Variants in ABCG2 observed in about 807,000 individuals in gnomAD.
ABCG2 encodes broad substrate specificity ATP-binding cassette transporter ABCG2.
In ABCG2, 80 loss-of-function variants were observed where a neutral mutation model predicts 73.5. That is an observed-to-expected ratio of 1.09 (90% CI 0.91 to 1.31). The LOEUF is 1.31. Ranked by LOEUF, ABCG2 falls within the 50% of genes most tolerant of loss-of-function variation. The pLI, the probability that ABCG2 is intolerant of heterozygous loss-of-function variation, is 0.00. For synonymous variants in ABCG2, 269 were observed against 282.4 expected (o/e 0.95, Z 0.48); for missense variants, 796 against 786.2 (o/e 1.01, Z -0.15).
At position 88,132,561 on chromosome 4, in the gene ABCG2, C is replaced by A. The variant is rs760530920; in HGVS notation, c.263+15G>T. The stretch of plus-strand genomic sequence containing the variant: ...AGTGCACAGAAAACGCTTACTTATA[C>A]TCTCTTATACTCACGAAGATTTGCC... On this transcript the variant is annotated intron_variant, in intron 3 of 15. Transcript: ENST00000237612. 2.5e-6 allele frequency: 4 copies of A among 1,613,522 alleles called. No homozygotes were observed. The South Asian group carries it at 4.4e-5, about 18-fold the overall frequency.
chr4:88,183,519 G>T (rs1728339359), intron 1 of ABCG2, among the ~76,000 whole-genome samples: 1 of 152,008 alleles, frequency 6.6e-6, no homozygotes, highest in African/African-American at 2.4e-5. Flanking sequence ...GAACCATAAT[G>T]AAATCCAAAA....
intron 1 of ABCG2, chr4:88,223,657 T>G (rs1053058251): frequency 2.6e-5 from 4 of 152,482 alleles, no homozygotes; most frequent in African/African-American, 9.7e-5. Context: ...GAGAATGGAC[T>G]AATACAAGCA....
chr4:88,094,672 T>C lies in ABCG2; in HGVS notation c.1738-13A>G. 6.2e-7 allele frequency: 1 copy of C among 1,605,368 alleles called. No homozygotes were observed. Among genetic ancestry groups the C allele is most frequent in the East Asian group, 2.2e-5 (1 of 44,820 alleles). On this transcript the variant is annotated splice_polypyrimidine_tract_variant and intron_variant, in intron 14 of 15. Coordinates refer to ENST00000237612, the MANE Select transcript of ABCG2 (RefSeq NM_004827.3). ...TATGCTGCAAAGCCTATAACACAAG[T>C]GGGAGCAGGGCAAGGTAAACAGTTT... is the stretch of plus-strand genomic sequence containing the variant.
intron 7 of ABCG2, among the ~76,000 whole-genome samples, 198 bp from the exon 8 acceptor site, chr4:88,115,256 C>CTCTCTCTCTCTCTA (rs1309360818): frequency 2.6e-4 from 18 of 69,872 alleles, no homozygotes; most frequent in South Asian, 6.6e-4. Flanking sequence ...CTCTCTCTCT[C>CTCTCTCTCTCTCTA]TATATATATA....
intron 8 of ABCG2, among the ~76,000 whole-genome samples, chr4:88,114,669 G>A (rs1228232050): frequency 6.6e-6 from 1 of 150,648 alleles, no homozygotes; most frequent in Non-Finnish European, 1.5e-5. Context: ...CCTACTATAT[G>A]CAAATGCATA....
intron 10 of ABCG2, among the ~76,000 whole-genome samples, chr4:88,104,886 C>G (rs1722673939): frequency 6.6e-6 from 1 of 152,066 alleles, no homozygotes; most frequent in Admixed American, 6.6e-5. Flanking sequence ...ATTTTTCTAC[C>G]AAGAGCTTTA....
At chr4:88,141,376 A>G (rs1282391884) in intron 1 of ABCG2, among the ~76,000 whole-genome samples, 1 of 152,166 alleles carries the variant, frequency 6.6e-6, no homozygotes, top group Non-Finnish European at 1.5e-5. Flanking sequence ...CAGCTCAGAC[A>G]AACCAAGCAG....
At chr4:88,165,789 G>T (rs113668359) in intron 1 of ABCG2, among the ~76,000 whole-genome samples, 3 of 152,100 alleles carry the variant, frequency 2.0e-5, no homozygotes, top group African/African-American at 7.2e-5. Context: ...CAGGAGAATC[G>T]CTTGAACCCG....
rs1185176210 is a variant in ABCG2 at position 88,094,631 on chromosome 4, T to G, written c.1766A>C (p.Gln589Pro). Residue 589 changes from glutamine (Q) to proline (P), a missense_variant, in exon 15 of 16, where the codon CAA (glutamine) becomes CCA (proline). By Grantham distance (76) the Gln-to-Pro change is moderately conservative. Coordinates refer to ENST00000237612, the MANE Select transcript of ABCG2 (RefSeq NM_004827.3). Reference protein sequence around the residue: ...TALQHNEFLGQNFCPGLNATG... With the variant: ...TALQHNEFLGPNFCPGLNATG... ...TGCATTGAGTCCTGGGCAGAAGTTT[T>G]GTCCCAAAAATTCATTATGCTGCAA... is the stretch of plus-strand genomic sequence containing the variant. 2 of 1,613,936 alleles carry G rather than the reference T, an allele frequency of 1.2e-6. No individual in the cohort carries two copies. The highest frequency in any genetic ancestry group is 2.2e-5 in the East Asian group (1 of 44,890).
chr4:88,126,008 A>G (rs1724383847), intron 5 of ABCG2, among the ~76,000 whole-genome samples: 1 of 152,198 alleles, frequency 6.6e-6, no homozygotes, highest in South Asian at 2.1e-4. Flanking sequence ...GGTTTTTTGA[A>G]AAGTTTAATA....
chr4:88,131,827 T>A lies in ABCG2; in HGVS notation c.354A>T (p.Lys118Asn), dbSNP rs767066657. ...INGAPRPANF[K>N]CNSGYVVQDD... The stretch of plus-strand genomic sequence containing the variant: ...CTTGTACCACGTAACCTGAATTACA[T>A]TTGAAATTGGCAGGTCGCGGTGCTC... The change falls in exon 4 of 16, where the codon AAA becomes AAT. Residue 118 changes from lysine (K) to asparagine (N), a missense_variant. Transcript: ENST00000237612. 3 of 1,613,646 alleles carry A rather than the reference T, an allele frequency of 1.9e-6. No individual in the cohort carries two copies. In the South Asian group the frequency reaches 3.3e-5, roughly 18 times the overall value.
At chr4:88,197,647 A>T (rs13123636) in intron 1 of ABCG2, among the ~76,000 whole-genome samples, 43,477 of 151,702 alleles carry the variant, frequency 0.29, 6,846 homozygotes, top group Middle Eastern at 0.43. Context: ...ACTAAAAAAA[A>T]TTTTTAAATG....
At chr4:88,174,383 A>G (rs1397563454) in intron 1 of ABCG2, among the ~76,000 whole-genome samples, 1 of 151,996 alleles carries the variant, frequency 6.6e-6, no homozygotes, top group African/African-American at 2.4e-5. Flanking sequence ...ATGTGTTCTC[A>G]CTGTTCAACT....
At chr4:88,127,779 T>TG (rs1299346580) in intron 5 of ABCG2, among the ~76,000 whole-genome samples, 1 of 152,036 alleles carries the variant, frequency 6.6e-6, no homozygotes, top group African/African-American at 2.4e-5. Context: ...GATTAAAGAC[T>TG]TAAATGTAAG....
chr4:88,132,775 C>T (rs993134604), intron 2 of ABCG2, 140 bp from the exon 3 acceptor site: 5 of 947,212 alleles, frequency 5.3e-6, no homozygotes, highest in Admixed American at 2.2e-5. Context: ...TTAAAGAAAA[C>T]AAACAAACAA....
intron 7 of ABCG2, among the ~76,000 whole-genome samples, chr4:88,115,262 A>G (rs377189076): frequency 4.7e-5 from 1 of 21,198 alleles, no homozygotes; most frequent in African/African-American, 2.0e-4. Flanking sequence ...CTCTCTATAT[A>G]TATATATATA....
intron 6 of ABCG2, among the ~76,000 whole-genome samples, 192 bp downstream of exon 6, chr4:88,121,443 C>G (rs1297587521): frequency 6.6e-6 from 1 of 152,158 alleles, no homozygotes; most frequent in Admixed American, 6.5e-5. Flanking sequence ...ACACCCTCAT[C>G]ACAGACATCC....
At chr4:88,228,885 GTAAAATGCACCAATCAGCACTC>G (rs1434817859) in intron 1 of ABCG2, among the ~76,000 whole-genome samples, 1 of 2,184 alleles carries the variant, frequency 4.6e-4, no homozygotes, top group Non-Finnish European at 3.3e-3. Context: ...TCAGCACTCT[GTAAAATGCACCAATCAGCACTC>G]TGTCTAGCTA....
intron 1 of ABCG2, among the ~76,000 whole-genome samples, chr4:88,186,867 C>A (rs1280826607): frequency 7.3e-6 from 1 of 137,272 alleles, no homozygotes; most frequent in Admixed American, 7.8e-5. Flanking sequence ...TGCAGTGAGC[C>A]GAGATCCCGC....
Sources: allele counts gnomAD v4.1 joint callset (sites outside exome capture counted in the v4.1 genomes callset), GRCh38; gene constraint gnomAD v4.1.1; transcripts MANE v1.5; gene names NCBI Gene and HGNC (gene_info 2026-07-23, HGNC 2026-07-21).